EBF1: variants seen among roughly 807,000 people sequenced by gnomAD.
The protein encoded by EBF1 is transcription factor COE1.
EBF1 carries 10 observed loss-of-function variants against 68.4 expected under a neutral mutation model. The observed-to-expected ratio is 0.15, with a 90% CI of 0.09 to 0.25. The LOEUF (loss-of-function observed/expected upper bound fraction) is 0.25, where lower values mean the gene tolerates loss of function less well. EBF1 is among the 10% of genes least tolerant of loss of function. EBF1 has a pLI of 1.00. For synonymous variants in EBF1, 298 were observed against 299.8 expected (o/e 0.99, Z 0.06); for missense variants, 509 against 794.4 (o/e 0.64, Z 4.32).
intron 6 of EBF1, among the ~76,000 whole-genome samples, chr5:158,878,051 C>T (rs558048696): frequency 2.6e-5 from 4 of 151,680 alleles, no homozygotes; most frequent in African/African-American, 7.2e-5. Context: ...TGTCACTGCT[C>T]ACGGGAGAAG....
intron 6 of EBF1, among the ~76,000 whole-genome samples, chr5:158,948,762 T>A (rs1218648489): frequency 6.6e-6 from 1 of 152,216 alleles, no homozygotes; most frequent in African/African-American, 2.4e-5. Context: ...CATTCTCGTC[T>A]TCATGGACAG....
At chr5:158,817,052 G>C (rs568942216) in intron 8 of EBF1, among the ~76,000 whole-genome samples, 1 of 151,918 alleles carries the variant, frequency 6.6e-6, no homozygotes. Flanking sequence ...TCCCCACTTC[G>C]CAATTGCCAC....
intron 10 of EBF1, among the ~76,000 whole-genome samples, chr5:158,773,004 T>C (rs533073563): frequency 2.6e-4 from 39 of 152,104 alleles, no homozygotes; most frequent in Non-Finnish European, 4.9e-4. Flanking sequence ...AAATGGTAGA[T>C]CTGAGAATTC....
chr5:158,773,506 T>C (rs1774327406), intron 10 of EBF1, among the ~76,000 whole-genome samples: 1 of 152,100 alleles, frequency 6.6e-6, no homozygotes, highest in Non-Finnish European at 1.5e-5. Flanking sequence ...AGATGATCAT[T>C]CATCAGGGTT....
intron 6 of EBF1, among the ~76,000 whole-genome samples, chr5:159,040,562 A>C (rs1770993070): frequency 6.6e-6 from 1 of 152,232 alleles, no homozygotes; most frequent in Non-Finnish European, 1.5e-5. Flanking sequence ...GAGTCCTGGA[A>C]ACAGGGAAAG....
chr5:158,910,682 GTATT>G (rs927572727), intron 6 of EBF1, among the ~76,000 whole-genome samples: 71 of 152,278 alleles, frequency 4.7e-4, no homozygotes, highest in African/African-American at 1.7e-3. Context: ...CAATCTTTAA[GTATT>G]TCTCAGAACA....
chr5:158,904,451 C>T (rs535079977), intron 6 of EBF1, among the ~76,000 whole-genome samples: 13 of 152,276 alleles, frequency 8.5e-5, no homozygotes, highest in African/African-American at 3.1e-4. Flanking sequence ...AAGCCCATGA[C>T]CTTTGTTTTA....
intron 10 of EBF1, among the ~76,000 whole-genome samples, chr5:158,736,895 G>C (rs1338896486): frequency 6.6e-6 from 1 of 152,158 alleles, no homozygotes; most frequent in Non-Finnish European, 1.5e-5. Context: ...CCTGAACAAG[G>C]CCAGAAATAT....
chr5:159,015,644 A>G (rs1765485761), intron 6 of EBF1, among the ~76,000 whole-genome samples: 1 of 152,148 alleles, frequency 6.6e-6, no homozygotes, highest in Non-Finnish European at 1.5e-5. Flanking sequence ...GAACACTGAG[A>G]CTATTTAAAC....
At chr5:158,897,372 C>G (rs960382981) in intron 6 of EBF1, among the ~76,000 whole-genome samples, 2 of 152,052 alleles carry the variant, frequency 1.3e-5, no homozygotes, top group African/African-American at 4.8e-5. Context: ...GATGAGAACA[C>G]ATGGACACAT....
chr5:158,702,561 G>C (rs1756973513), intron 15 of EBF1, among the ~76,000 whole-genome samples: 1 of 151,896 alleles, frequency 6.6e-6, no homozygotes, highest in Non-Finnish European at 1.5e-5. Context: ...GCAGAGCTGG[G>C]AGGGTTTGGA....
rs553714006 is a variant in EBF1 at position 158,750,747 on chromosome 5, T to TA, written c.1037-19591_1037-19590insT. 3.8e-3 allele frequency among the ~76,000 whole-genome samples: 577 copies of TA among 152,124 alleles called. 3 individuals are homozygous for TA. The highest frequency in any genetic ancestry group is 0.013 in the African/African-American group (547 of 41,534). ...GAAAAAATTATTTCAAAAGTTTTTT[T>TA]TAAAAATCTACCACTTGCAAAAAAA... On this transcript the variant is annotated intron_variant, in intron 10 of 15. Transcript: ENST00000313708.
chr5:158,870,089 T>C (rs955922866), intron 6 of EBF1, among the ~76,000 whole-genome samples: 2 of 152,134 alleles, frequency 1.3e-5, no homozygotes, highest in Non-Finnish European at 2.9e-5. Context: ...CCAAAGCACA[T>C]TGGCAAGGAC....
chr5:158,930,085 C>T (rs1278870126), intron 6 of EBF1, among the ~76,000 whole-genome samples: 1 of 152,016 alleles, frequency 6.6e-6, no homozygotes, highest in Non-Finnish European at 1.5e-5. Flanking sequence ...TGTTTTCCCT[C>T]GTAATAGATA....
chr5:158,699,354 T>C (rs961803351), intron 15 of EBF1, among the ~76,000 whole-genome samples: 1 of 147,988 alleles, frequency 6.8e-6, no homozygotes, highest in Non-Finnish European at 1.5e-5. Flanking sequence ...CATGGGTATG[T>C]GTCTTTAACA....
intron 6 of EBF1, among the ~76,000 whole-genome samples, chr5:159,037,736 G>C (rs1396426259): frequency 6.7e-6 from 1 of 149,912 alleles, no homozygotes; most frequent in Non-Finnish European, 1.5e-5. Flanking sequence ...CAGCACACCA[G>C]CATGGCACAT....
chr5:158,979,106 C>G (rs1436598770), intron 6 of EBF1, among the ~76,000 whole-genome samples: 1 of 151,630 alleles, frequency 6.6e-6, no homozygotes, highest in South Asian at 2.1e-4. Context: ...CACACTCACA[C>G]AAAGAGAAAA....
intron 4 of EBF1, among the ~76,000 whole-genome samples, chr5:159,087,448 A>G (rs1039608310): frequency 6.7e-6 from 1 of 150,248 alleles, no homozygotes; most frequent in Non-Finnish European, 1.5e-5. Flanking sequence ...ATACATATAT[A>G]TATACACACA....
rs562328086 is a variant in EBF1 at position 158,860,802 on chromosome 5, G to A, written c.555-20692C>T. Among the ~76,000 whole-genome samples, 15 of 152,196 alleles carry A rather than the reference G, an allele frequency of 9.9e-5. No homozygotes were observed. In the East Asian group the frequency reaches 2.3e-3, roughly 23 times the overall value. ...GTCTCTGTTGCATGTGTGTCTCGGC[G>A]CATAAATCCCTTTTGCCTCAGAACT... On this transcript the variant is annotated intron_variant, in intron 6 of 15. Coordinates refer to ENST00000313708, the MANE Select transcript of EBF1 (RefSeq NM_024007.5).
Sources: gnomAD v4.1 joint callset for allele counts (sites outside exome capture counted in the v4.1 genomes callset) on GRCh38, gnomAD v4.1.1 for gene constraint, MANE v1.5 for transcripts, NCBI Gene and HGNC (gene_info 2026-07-23, HGNC 2026-07-21) for gene names.